Variants in ESR1 observed in about 807,000 individuals in gnomAD.
The protein encoded by ESR1 is estrogen receptor.
In ESR1, 12 loss-of-function variants were observed where a neutral mutation model predicts 52.7. The observed-to-expected ratio is 0.23, with a 90% confidence interval of 0.15 to 0.37. ESR1 has a LOEUF of 0.37. Among genes scored for constraint, ESR1 ranks in the 10% least tolerant of loss-of-function variants. The pLI, the probability that ESR1 is intolerant of heterozygous loss-of-function variation, is 1.00. For synonymous variants in ESR1, 305 were observed against 316.8 expected (o/e 0.96, Z 0.39); for missense variants, 584 against 779.7 (o/e 0.75, Z 2.99).
chr6:151,875,389 C>A (rs1791636245), intron 2 of ESR1, among the ~76,000 whole-genome samples: 1 of 152,160 alleles, frequency 6.6e-6, no homozygotes, highest in Non-Finnish European at 1.5e-5. Flanking sequence ...GGCCTGCGCT[C>A]CACAAATGAA....
intron 3 of ESR1, among the ~76,000 whole-genome samples, chr6:151,930,275 G>A (rs960206411): frequency 6.6e-5 from 10 of 152,046 alleles, no homozygotes; most frequent in Non-Finnish European, 1.0e-4. Flanking sequence ...GTGAGCCACC[G>A]CACCCGGCTT....
At chr6:151,840,249 A>G (rs1228949137) in intron 1 of ESR1, among the ~76,000 whole-genome samples, 2 of 152,178 alleles carry the variant, frequency 1.3e-5, no homozygotes, top group Non-Finnish European at 2.9e-5. Flanking sequence ...GCTGCTTCCT[A>G]CTGACTTGAA....
intron 3 of ESR1, among the ~76,000 whole-genome samples, chr6:151,920,910 T>C (rs542181375): frequency 6.6e-6 from 1 of 152,286 alleles, no homozygotes; most frequent in African/African-American, 2.4e-5. Flanking sequence ...AGAAGCCATT[T>C]TGTGCAGCTC....
chr6:152,032,544 G>A (rs2044819269), intron 5 of ESR1, among the ~76,000 whole-genome samples: 1 of 152,118 alleles, frequency 6.6e-6, no homozygotes, highest in Admixed American at 6.5e-5. Context: ...ATTCACAATT[G>A]CTTCAAAGGA....
intron 2 of ESR1, among the ~76,000 whole-genome samples, chr6:151,873,278 C>T (rs1326104617): frequency 6.6e-6 from 1 of 152,192 alleles, no homozygotes; most frequent in Non-Finnish European, 1.5e-5. Context: ...GGCTTTTAAA[C>T]TTCAATTATA....
chr6:151,853,318 C>T (rs764670678), intron 2 of ESR1, among the ~76,000 whole-genome samples: 5 of 151,570 alleles, frequency 3.3e-5, no homozygotes, highest in Admixed American at 2.0e-4. Context: ...TAGAAAGACA[C>T]ACCATGAAAG....
chr6:151,801,543 G>T (rs979632813), upstream of ESR1, among the ~76,000 whole-genome samples: 3 of 152,206 alleles, frequency 2.0e-5, no homozygotes, highest in Non-Finnish European at 4.4e-5. Flanking sequence ...GAGATCACAG[G>T]CTTTGTGAGA....
At chr6:151,980,558 G>A (rs2039894414) in intron 4 of ESR1, among the ~76,000 whole-genome samples, 2 of 152,156 alleles carry the variant, frequency 1.3e-5, no homozygotes. Flanking sequence ...CGACTCATTG[G>A]TTGTTAACTA....
chr6:151,991,236 G>C (rs1334292384), intron 4 of ESR1, among the ~76,000 whole-genome samples: 1 of 152,138 alleles, frequency 6.6e-6, no homozygotes, highest in Non-Finnish European at 1.5e-5. Context: ...TCTGAGGTTT[G>C]GAGATCTTGA....
intron 4 of ESR1, among the ~76,000 whole-genome samples, chr6:151,980,125 A>T (rs1232366511): frequency 6.6e-6 from 1 of 152,206 alleles, no homozygotes; most frequent in Non-Finnish European, 1.5e-5. Context: ...GGGAAAAGTT[A>T]GCCGTTTTGT....
chr6:151,778,706 T>C (rs962581668), intron 2 of ESR1, among the ~76,000 whole-genome samples: 1 of 152,114 alleles, frequency 6.6e-6, no homozygotes, highest in Non-Finnish European at 1.5e-5. Flanking sequence ...ATACCTGCCA[T>C]ATTTACAACT....
chr6:151,834,525 A>G (rs1317068843), intron 1 of ESR1, among the ~76,000 whole-genome samples: 2 of 152,148 alleles, frequency 1.3e-5, no homozygotes, highest in Non-Finnish European at 2.9e-5. Context: ...AGGGACGGGA[A>G]CATTACACAC....
chr6:151,839,323 A>G (rs985021584), intron 1 of ESR1, among the ~76,000 whole-genome samples: 3 of 152,174 alleles, frequency 2.0e-5, no homozygotes, highest in African/African-American at 7.2e-5. Context: ...GATGGCTACT[A>G]TATTAGAAAA....
intron 5 of ESR1, among the ~76,000 whole-genome samples, chr6:152,045,599 A>G (rs1042776846): frequency 3.3e-5 from 5 of 152,002 alleles, no homozygotes; most frequent in Admixed American, 2.6e-4. Flanking sequence ...GTTTTTTTCT[A>G]TTACAACAGT....
chr6:151,950,098 C>T (rs1354248139), intron 4 of ESR1, among the ~76,000 whole-genome samples: 1 of 152,200 alleles, frequency 6.6e-6, no homozygotes. Context: ...CTCTTCTTCT[C>T]TTGTCTGCCA....
rs181143517 is a variant in ESR1, at chr6:152,119,290, T to C, written c.851-5976T>C. On this transcript the variant is annotated intron_variant, in intron 6 of 6. Coordinates refer to the ESR1 transcript ENST00000427531. ...CATGTTGAATTTCCCATCTGGGCCT[T>C]CAGAAGTCTTCTCTTCTCACTTCTT... Among the ~76,000 whole-genome samples the C allele has an allele frequency of 7.9e-5, 12 of 152,318 alleles. No individual in the cohort carries two copies. In the East Asian group the frequency reaches 2.1e-3, roughly 27 times the overall value.
chr6:151,839,974 ATTTAAAAAATATAGC>A (rs1784018388), intron 1 of ESR1, among the ~76,000 whole-genome samples: 3 of 152,210 alleles, frequency 2.0e-5, no homozygotes, highest in Admixed American at 6.5e-5. Context: ...TCTTACCACA[ATTTAAAAAATATAGC>A]ATTTTATTAT....
At chr6:151,976,419 A>C in intron 4 of ESR1, among the ~76,000 whole-genome samples, 1 of 151,864 alleles carries the variant, frequency 6.6e-6, no homozygotes, top group East Asian at 1.9e-4. Flanking sequence ...ACACAACACT[A>C]AGCCACATAT....
At chr6:151,985,519 A>C (rs1311099270) in intron 4 of ESR1, among the ~76,000 whole-genome samples, 38 of 139,350 alleles carry the variant, frequency 2.7e-4, no homozygotes, top group African/African-American at 7.0e-4. Flanking sequence ...AAAAAAAAAA[A>C]AAAAAAAAAA....
Sources: gnomAD v4.1 joint callset for allele counts (sites outside exome capture counted in the v4.1 genomes callset) on GRCh38, gnomAD v4.1.1 for gene constraint, MANE v1.5 for transcripts, NCBI Gene and HGNC (gene_info 2026-07-23, HGNC 2026-07-21) for gene names.